PHF21B: variants seen among roughly 807,000 people sequenced by gnomAD.
PHF21B encodes PHD finger protein 4.
PHF21B carries 22 observed loss-of-function variants against 62.2 expected under a neutral mutation model. The ratio of observed to expected loss-of-function variants is 0.35; its 90% CI spans 0.25 to 0.51. The LOEUF (loss-of-function observed/expected upper bound fraction) is 0.51. Among genes scored for constraint, PHF21B ranks in the 20% least tolerant of loss-of-function variants. The pLI is 0.97. For synonymous variants in PHF21B, 341 were observed against 314.7 expected, an observed-to-expected ratio of 1.08 and a Z score of -0.88; for missense variants, 701 against 707.9, an observed-to-expected ratio of 0.99 and a Z score of 0.11.
intron 2 of PHF21B, among the ~76,000 whole-genome samples, chr22:44,973,972 G>A (rs568741415): frequency 1.3e-5 from 2 of 152,176 alleles, no homozygotes; most frequent in African/African-American, 4.8e-5. Context: ...CACTAGGGGC[G>A]TAGTTTTTGG....
chr22:44,895,852 A>C (rs2071047250), intron 6 of PHF21B, among the ~76,000 whole-genome samples, 180 bp downstream of exon 6: 1 of 152,174 alleles, frequency 6.6e-6, no homozygotes. Context: ...GGTGGTTTAT[A>C]CACAGACACT....
chr22:44,950,555 C>T (rs1436594630), intron 2 of PHF21B, among the ~76,000 whole-genome samples: 2 of 152,066 alleles, frequency 1.3e-5, no homozygotes, highest in Admixed American at 6.5e-5. Flanking sequence ...TCAATCATTG[C>T]TTCTGTTCTT....
intron 2 of PHF21B, chr22:45,001,247 AGATT>A (rs2073212756): frequency 1.3e-5 from 2 of 152,348 alleles, no homozygotes; most frequent in African/African-American, 4.8e-5. Flanking sequence ...TGTGTCCTGA[AGATT>A]CACCAGCCCA....
intron 3 of PHF21B, among the ~76,000 whole-genome samples, chr22:44,917,672 C>T (rs961237600): frequency 2.6e-5 from 4 of 152,282 alleles, no homozygotes; most frequent in Non-Finnish European, 5.9e-5. Context: ...ATGATGCTAC[C>T]GTCGTTATCA....
chr22:44,990,818 G>T (rs1355343696), intron 2 of PHF21B, among the ~76,000 whole-genome samples: 1 of 152,202 alleles, frequency 6.6e-6, no homozygotes, highest in Non-Finnish European at 1.5e-5. Context: ...GGTGAAGACG[G>T]TAAGTTTTAT....
Position 44,958,598 on chromosome 22 carries a change from A to ATTTTTTTTTTT in PHF21B, c.121-38119_121-38109dup, listed in dbSNP as rs59943293. On this transcript the variant is annotated intron_variant, in intron 2 of 12. Coordinates refer to ENST00000313237, the MANE Select transcript of PHF21B (RefSeq NM_138415.5). ...AGCTTCATCTTCCAGCCTTCCTTTG[A>ATTTTTTTTTTT]TTTTTTTTTTTTTTTTTTTTTTTTT... Among the ~76,000 whole-genome samples the ATTTTTTTTTTT allele has an allele frequency of 3.8e-4, 29 of 75,902 alleles. 3 individuals are homozygous for ATTTTTTTTTTT. The highest frequency in any genetic ancestry group is 9.6e-4 in the African/African-American group (17 of 17,714). The allele number at this position is 75,902 out of a possible 152,430, so 49.8% of individuals were successfully genotyped here.
At chr22:44,920,705 A>C (rs1467787374) in intron 2 of PHF21B, among the ~76,000 whole-genome samples, 1 of 152,278 alleles carries the variant, frequency 6.6e-6, no homozygotes, top group East Asian at 1.9e-4. Context: ...CACTGCCCAG[A>C]AATCAATTAC....
chr22:44,887,073 T>C (rs1454752805), intron 10 of PHF21B, among the ~76,000 whole-genome samples: 2 of 150,710 alleles, frequency 1.3e-5, no homozygotes. Flanking sequence ...GGAGAATCGC[T>C]TGAACCCAGA....
At chr22:44,999,730 A>G (rs537151879) in intron 2 of PHF21B, among the ~76,000 whole-genome samples, 1 of 151,966 alleles carries the variant, frequency 6.6e-6, no homozygotes, top group Non-Finnish European at 1.5e-5. Context: ...GAAGCTGGGC[A>G]CCCAATGGTC....
At chr22:44,966,754 G>A (rs2147435629) in intron 2 of PHF21B, among the ~76,000 whole-genome samples, 1 of 152,328 alleles carries the variant, frequency 6.6e-6, no homozygotes, top group East Asian at 1.9e-4. Flanking sequence ...AAATTGTGAT[G>A]GGCGATGGCT....
At chr22:44,941,436 C>T (rs968604313) in intron 2 of PHF21B, among the ~76,000 whole-genome samples, 7 of 152,100 alleles carry the variant, frequency 4.6e-5, no homozygotes, top group Non-Finnish European at 8.8e-5. Context: ...AGCTCAGTCT[C>T]CTCCTCCTCC....
At chr22:44,997,972 C>T (rs906579220) in intron 2 of PHF21B, among the ~76,000 whole-genome samples, 3 of 152,226 alleles carry the variant, frequency 2.0e-5, no homozygotes, top group Non-Finnish European at 2.9e-5. Context: ...CTGGCCCCTA[C>T]CCTCAATTGT....
chr22:44,914,557 G>C (rs2071402243), intron 4 of PHF21B, among the ~76,000 whole-genome samples: 1 of 152,244 alleles, frequency 6.6e-6, no homozygotes, highest in Admixed American at 6.5e-5. Flanking sequence ...CAGTCAGGAG[G>C]CAGAGGAGCT....
intron 5 of PHF21B, among the ~76,000 whole-genome samples, chr22:44,900,750 C>T (rs1053306965): frequency 6.6e-6 from 1 of 150,908 alleles, no homozygotes; most frequent in Admixed American, 6.6e-5. Context: ...AAAAGTCAGA[C>T]ACCAGCTTAA....
chr22:44,946,503 T>C (rs533195106), intron 2 of PHF21B, among the ~76,000 whole-genome samples: 1 of 151,952 alleles, frequency 6.6e-6, no homozygotes, highest in African/African-American at 2.4e-5. Flanking sequence ...CCTGTTATTA[T>C]GGATGGATGA....
At chr22:44,908,710 C>G (rs1190892830) in intron 5 of PHF21B, among the ~76,000 whole-genome samples, 1 of 152,190 alleles carries the variant, frequency 6.6e-6, no homozygotes, top group Non-Finnish European at 1.5e-5. Context: ...TACTGCTGTC[C>G]GGTTTCTAGG....
chr22:44,919,134 C>G (rs1437118378), intron 3 of PHF21B, among the ~76,000 whole-genome samples: 1 of 152,178 alleles, frequency 6.6e-6, no homozygotes, highest in South Asian at 2.1e-4. Flanking sequence ...CTACCTCCTC[C>G]AGGAAGCCTT....
chr22:44,961,101 T>C (rs978094855), intron 2 of PHF21B, among the ~76,000 whole-genome samples: 4 of 151,198 alleles, frequency 2.6e-5, no homozygotes, highest in Non-Finnish European at 5.9e-5. Flanking sequence ...GGATTACAGG[T>C]ACGCGCCACC....
chr22:45,001,762 T>C (rs762723144), intron 2 of PHF21B: 1 of 152,174 alleles, frequency 6.6e-6, no homozygotes, highest in Non-Finnish European at 1.5e-5. Flanking sequence ...CCACGTCAGG[T>C]GTGAAAAGCA....
Sources: allele counts gnomAD v4.1 joint callset (sites outside exome capture counted in the v4.1 genomes callset), GRCh38; gene constraint gnomAD v4.1.1; transcripts MANE v1.5; gene names NCBI Gene and HGNC (gene_info 2026-07-23, HGNC 2026-07-21).